The following CACNA1C variants were observed in gnomAD, a reference collection of about 807,000 sequenced individuals.
CACNA1C encodes calcium voltage-gated channel subunit alpha1 C.
Under a neutral mutation model 229.0 loss-of-function variants are expected in CACNA1C, and 30 were observed. The ratio of observed to expected loss-of-function variants is 0.13; its 90% CI spans 0.10 to 0.18. The LOEUF (loss-of-function observed/expected upper bound fraction) is 0.18, where lower values mean the gene tolerates loss of function less well. Ranked by LOEUF, CACNA1C falls within the 10% of genes least tolerant of loss-of-function variation. The pLI is 1.00. For synonymous variants in CACNA1C, 1,114 were observed against 1,132.5 expected (o/e 0.98, Z 0.33); for missense variants, 1,658 against 2,845.0 (o/e 0.58, Z 9.49).
intron 1 of CACNA1C, among the ~76,000 whole-genome samples, chr12:2,044,389 C>T (rs2050720913): frequency 6.6e-6 from 1 of 152,150 alleles, no homozygotes; most frequent in Non-Finnish European, 1.5e-5. Flanking sequence ...GAAGATATCC[C>T]TTTGGTTGCC....
chr12:2,182,507 C>G (rs574656308), intron 3 of CACNA1C, among the ~76,000 whole-genome samples: 1 of 151,992 alleles, frequency 6.6e-6, no homozygotes. Context: ...TGTCGGGGGT[C>G]GCTGGTATCT....
chr12:2,462,433 T>TC (rs1333937842), intron 5 of CACNA1C, among the ~76,000 whole-genome samples: 1 of 148,106 alleles, frequency 6.8e-6, no homozygotes, highest in African/African-American at 2.5e-5. Flanking sequence ...CTGCTCCATT[T>TC]CCCCACATCA....
chr12:1,985,603 T>C (rs2037465652), intron 1 of CACNA1C, among the ~76,000 whole-genome samples: 1 of 152,214 alleles, frequency 6.6e-6, no homozygotes, highest in African/African-American at 2.4e-5. Context: ...CTACTGATTT[T>C]TTCCTTGACA....
chr12:2,056,377 G>T (rs1453059916), intron 1 of CACNA1C, among the ~76,000 whole-genome samples: 1 of 152,124 alleles, frequency 6.6e-6, no homozygotes, highest in Non-Finnish European at 1.5e-5. Context: ...TGTCTGCTCT[G>T]GGCCTGTGCC....
intron 3 of CACNA1C, among the ~76,000 whole-genome samples, chr12:2,280,180 T>C (rs34573962): frequency 0.029 from 3,228 of 113,100 alleles, 101 homozygotes; most frequent in Middle Eastern, 0.052. Context: ...CTCTTGATAC[T>C]TTGCTGTGCT....
At chr12:2,049,498 T>A (rs1224216083), upstream of CACNA1C, 1 of 152,254 alleles carries the variant, frequency 6.6e-6, no homozygotes, top group Non-Finnish European at 1.5e-5. Context: ...AAAGAAAATA[T>A]CTGTGGTCAC....
chr12:2,089,498 T>G (rs2069295347), intron 1 of CACNA1C, among the ~76,000 whole-genome samples: 1 of 152,124 alleles, frequency 6.6e-6, no homozygotes. Flanking sequence ...AACACAGGAA[T>G]AAAACAGGTT....
intron 6 of CACNA1C, among the ~76,000 whole-genome samples, chr12:2,487,245 A>G: frequency 6.6e-6 from 1 of 151,796 alleles, no homozygotes. Flanking sequence ...TCTTGGTGGA[A>G]AAAGGGGAGC....
chr12:2,533,338 G>A (rs1314179142), intron 9 of CACNA1C, among the ~76,000 whole-genome samples: 1 of 152,192 alleles, frequency 6.6e-6, no homozygotes, highest in Non-Finnish European at 1.5e-5. Flanking sequence ...CTCATGGGTG[G>A]GTGGCTGGAT....
intron 3 of CACNA1C, among the ~76,000 whole-genome samples, chr12:2,321,227 G>A (rs1304784586): frequency 6.6e-6 from 1 of 151,846 alleles, no homozygotes; most frequent in African/African-American, 2.4e-5. Flanking sequence ...CGTTGGGGGG[G>A]TGGGGGAAGA....
chr12:2,553,529 A>G (rs2154592367), intron 10 of CACNA1C, among the ~76,000 whole-genome samples: 1 of 152,336 alleles, frequency 6.6e-6, no homozygotes, highest in African/African-American at 2.4e-5. Flanking sequence ...AGGATGCTCA[A>G]AGGTTGCTGG....
At position 2,653,683 on chromosome 12, in the gene CACNA1C, C is replaced by T. The variant is rs909678688; in HGVS notation, c.4075-152C>T. 6.6e-6 allele frequency among the ~76,000 whole-genome samples: 1 copy of T among 152,212 alleles called. No homozygotes were observed. Among genetic ancestry groups the T allele is most frequent in the Non-Finnish European group, 1.5e-5 (1 of 68,044 alleles). On this transcript the variant is annotated intron_variant, in intron 32 of 46. Transcript: ENST00000399655. This position sits in a 1 kb window ranked among gnomAD's most constrained non-coding sequence, Gnocchi z 4.7. ...GTTTCTCAGACCTTCTCGCAGGTTC[C>T]CCGTAGTCCTGTGGGACTCTTGGAA...
chr12:2,269,317 A>C (rs1294787746), intron 3 of CACNA1C, among the ~76,000 whole-genome samples: 8 of 152,188 alleles, frequency 5.3e-5, no homozygotes, highest in Admixed American at 3.3e-4. Context: ...AAATTCTGCT[A>C]TCTGTGTATG....
chr12:2,093,730 C>T (rs1017956728), intron 1 of CACNA1C, among the ~76,000 whole-genome samples: 14 of 152,150 alleles, frequency 9.2e-5, no homozygotes, highest in African/African-American at 3.4e-4. Flanking sequence ...CTCTTTGGCT[C>T]AACTGGGAAG....
intron 3 of CACNA1C, among the ~76,000 whole-genome samples, chr12:2,166,254 T>G (rs2096222881): frequency 6.6e-6 from 1 of 152,252 alleles, no homozygotes; most frequent in African/African-American, 2.4e-5. Flanking sequence ...CCAGCTCCAG[T>G]CAGGAACAGA....
At chr12:2,073,369 C>T (rs2062046420) in intron 1 of CACNA1C, among the ~76,000 whole-genome samples, 1 of 152,218 alleles carries the variant, frequency 6.6e-6, no homozygotes, top group African/African-American at 2.4e-5. Flanking sequence ...TCACTTCACC[C>T]TCAGGGATCT....
chr12:2,106,446 C>T (rs2078634662), intron 1 of CACNA1C, among the ~76,000 whole-genome samples: 2 of 95,298 alleles, frequency 2.1e-5, no homozygotes, highest in Admixed American at 1.0e-4. Flanking sequence ...GGGAGGGTTT[C>T]CACCTCAGCT....
At chr12:2,270,958 C>T (rs2084696446) in intron 3 of CACNA1C, among the ~76,000 whole-genome samples, 1 of 152,156 alleles carries the variant, frequency 6.6e-6, no homozygotes, top group Admixed American at 6.5e-5. Context: ...TGTCTAGACA[C>T]TCCCTTTGCC....
At chr12:1,987,395 A>C (rs2038108807) in intron 1 of CACNA1C, among the ~76,000 whole-genome samples, 1 of 152,076 alleles carries the variant, frequency 6.6e-6, no homozygotes, top group Non-Finnish European at 1.5e-5. Context: ...TTATGAGAGA[A>C]TGTATTTTGA....
Sources: gnomAD v4.1 joint callset for allele counts (sites outside exome capture counted in the v4.1 genomes callset) on GRCh38, gnomAD v4.1.1 for gene constraint, Gnocchi (gnomAD v3.1) non-coding constraint, MANE v1.5 for transcripts, NCBI Gene and HGNC (gene_info 2026-07-23, HGNC 2026-07-21) for gene names.